Variants in CCL28 observed in about 807,000 individuals in gnomAD.
CCL28 encodes C-C motif chemokine 28.
Under a neutral mutation model 7.1 loss-of-function variants are expected in CCL28, and 4 were observed. The ratio of observed to expected loss-of-function variants is 0.56; its 90% confidence interval spans 0.28 to 1.29. CCL28 has a LOEUF of 1.29. Ranked by LOEUF, CCL28 falls within the 50% of genes most tolerant of loss-of-function variation. CCL28 has a pLI of 0.11. For missense variants in CCL28, 151 were observed against 163.4 expected (o/e 0.92, Z 0.41); for synonymous variants, 55 against 57.8 (o/e 0.95, Z 0.22).
intron 1 of CCL28, among the ~76,000 whole-genome samples, chr5:43,409,857 T>C (rs573312838): frequency 2.0e-5 from 3 of 152,012 alleles, no homozygotes; most frequent in African/African-American, 7.2e-5. Context: ...ATGATAGACA[T>C]GTTTATGGAT....
chr5:43,387,298 A>G (rs1004381997), intron 2 of CCL28, among the ~76,000 whole-genome samples: 10 of 152,216 alleles, frequency 6.6e-5, no homozygotes, highest in African/African-American at 2.4e-4. Context: ...GAACCGTGTA[A>G]CCTGAGTCAC....
At chr5:43,412,107 T>C (rs1279631575) in intron 1 of CCL28, 146 bp downstream of exon 1, 12 of 534,426 alleles carry the variant, frequency 2.2e-5, no homozygotes, top group Non-Finnish European at 3.4e-5. Flanking sequence ...TAAAGCTATG[T>C]CATTCTCTTG....
intron 1 of CCL28, among the ~76,000 whole-genome samples, chr5:43,398,146 C>T (rs1398067659): frequency 2.6e-5 from 4 of 152,234 alleles, no homozygotes; most frequent in African/African-American, 9.7e-5. Flanking sequence ...GTAACAGACA[C>T]CGAGTATATA....
chr5:43,367,613 T>C, the CCL28 span, among the ~76,000 whole-genome samples: 219 of 151,426 alleles, frequency 1.4e-3, no homozygotes, highest in African/African-American at 5.2e-3. Flanking sequence ...CAGTTGGAAA[T>C]GCAGAAATCA....
intron 1 of CCL28, among the ~76,000 whole-genome samples, chr5:43,411,260 G>A (rs978915848): frequency 6.6e-6 from 1 of 152,216 alleles, no homozygotes; most frequent in African/African-American, 2.4e-5. Context: ...TAGAGAATCT[G>A]TTCAGGATAA....
Position 43,412,324 on chromosome 5 carries a change from TG to T in CCL28, c.-9del. The T allele has an allele frequency of 6.2e-7, 1 of 1,611,284 alleles. No homozygotes were observed. The highest frequency in any genetic ancestry group is 8.5e-7 in the Non-Finnish European group (1 of 1,178,492). ...GAGTCCTCTCTGCTGCATTCCTGCC[TG>T]CCCTACTGGCACTGACAGCAACACA... On this transcript the variant is annotated 5_prime_UTR_variant, in exon 1 of 3. Coordinates refer to ENST00000361115, the MANE Select transcript of CCL28 (RefSeq NM_148672.3).
intron 1 of CCL28, among the ~76,000 whole-genome samples, chr5:43,407,048 T>C (rs943371096): frequency 1.3e-5 from 2 of 152,180 alleles, no homozygotes; most frequent in Non-Finnish European, 2.9e-5. Flanking sequence ...ATCAATATCA[T>C]GAAAATGGCC....
At chr5:43,375,766 C>T (rs574744059), downstream of CCL28, among the ~76,000 whole-genome samples, 1 of 151,632 alleles carries the variant, frequency 6.6e-6, no homozygotes, top group African/African-American at 2.4e-5. Context: ...CTGAGGCGGG[C>T]GGACCCCGTC....
chr5:43,362,558 A>C, the CCL28 span, among the ~76,000 whole-genome samples: 11 of 152,204 alleles, frequency 7.2e-5, no homozygotes, highest in Non-Finnish European at 1.5e-4. Flanking sequence ...GTGTGTTTTA[A>C]GTAATAATTG....
intron 1 of CCL28, among the ~76,000 whole-genome samples, chr5:43,394,539 C>A (rs2111805333): frequency 6.6e-6 from 1 of 152,094 alleles, no homozygotes; most frequent in South Asian, 2.1e-4. Context: ...TATTTAGGTA[C>A]CTTATATATT....
downstream of CCL28, among the ~76,000 whole-genome samples, chr5:43,378,139 T>A (rs1372197321): frequency 2.2e-5 from 3 of 136,098 alleles, no homozygotes; most frequent in Admixed American, 6.9e-5. Context: ...GCCCAGGAGT[T>A]CAAGACCAGC....
chr5:43,382,293 G>A (rs532703336), intron 2 of CCL28, among the ~76,000 whole-genome samples: 1 of 152,094 alleles, frequency 6.6e-6, no homozygotes, highest in East Asian at 1.9e-4. Flanking sequence ...AGTATTAAAA[G>A]AAAGAGAAGG....
At chr5:43,404,575 C>T (rs1026834864) in intron 1 of CCL28, among the ~76,000 whole-genome samples, 2 of 152,134 alleles carry the variant, frequency 1.3e-5, no homozygotes, top group South Asian at 2.1e-4. Context: ...TAAAGACCAT[C>T]GATGCTAGGA....
In CCL28 at chr5:43,409,254, C is replaced by T. The variant is rs182910937; in HGVS notation, c.64+2999G>A. Among the ~76,000 whole-genome samples, 1,376 of 152,128 alleles carry T rather than the reference C, an allele frequency of 9.0e-3. 28 individuals are homozygous for T. The highest frequency in any genetic ancestry group is 0.03 in the African/African-American group (1,244 of 41,490). ...CAGCCTGGCCAACATGGTGAAACCC[C>T]GTCTCTACTAAAAATACAAAAATTA... On this transcript the variant is annotated intron_variant, in intron 1 of 2. Transcript: ENST00000361115.
At chr5:43,375,554 T>C (rs1009244055), downstream of CCL28, among the ~76,000 whole-genome samples, 2 of 149,696 alleles carry the variant, frequency 1.3e-5, no homozygotes, top group Non-Finnish European at 3.0e-5. Flanking sequence ...TTTGAACTCA[T>C]TTTGAAGGGC....
intron 1 of CCL28, among the ~76,000 whole-genome samples, chr5:43,408,495 G>T (rs1040949324): frequency 4.6e-5 from 7 of 152,188 alleles, no homozygotes; most frequent in African/African-American, 9.7e-5. Flanking sequence ...GTCGTAAGGT[G>T]GGGGGAGCGG....
downstream of CCL28, among the ~76,000 whole-genome samples, chr5:43,375,611 A>G (rs201948983): frequency 1.3e-5 from 2 of 152,174 alleles, no homozygotes; most frequent in East Asian, 3.9e-4. Flanking sequence ...GTTACTTAAA[A>G]ATCTTAGAAC....
intron 1 of CCL28, among the ~76,000 whole-genome samples, chr5:43,409,411 A>G (rs908512898): frequency 2.0e-5 from 3 of 151,926 alleles, no homozygotes; most frequent in Non-Finnish European, 4.4e-5. Flanking sequence ...GGGCGACAAG[A>G]GCAACAAACT....
chr5:43,378,368 G>A (rs527396097), downstream of CCL28, among the ~76,000 whole-genome samples: 12 of 152,012 alleles, frequency 7.9e-5, no homozygotes, highest in Admixed American at 3.3e-4. Context: ...AGGATTACAA[G>A]ATGTTGCCTC....
Sources: gnomAD v4.1 joint callset for allele counts (sites outside exome capture counted in the v4.1 genomes callset) on GRCh38, gnomAD v4.1.1 for gene constraint, MANE v1.5 for transcripts, NCBI Gene and HGNC (gene_info 2026-07-23, HGNC 2026-07-21) for gene names.